The following TENM3 variants were observed in gnomAD, a reference collection of about 807,000 sequenced individuals.
TENM3 encodes teneurin transmembrane protein 3, also known as teneurin-3.
In TENM3, 63 loss-of-function variants were observed where a neutral mutation model predicts 255.1. The ratio of observed to expected loss-of-function variants is 0.25; its 90% CI spans 0.20 to 0.30. The LOEUF is 0.30. Among genes scored for constraint, TENM3 ranks in the 10% least tolerant of loss-of-function variants. The pLI, the probability that TENM3 is intolerant of heterozygous loss-of-function variation, is 1.00. For synonymous variants in TENM3, 1,306 were observed against 1,322.3 expected (o/e 0.99, Z 0.27); for missense variants, 2,929 against 3,461.1 (o/e 0.85, Z 3.86).
chr4:182,335,347 T>C, intron 2 of TENM3, among the ~76,000 whole-genome samples: 1 of 131,836 alleles, frequency 7.6e-6, no homozygotes, highest in Admixed American at 7.6e-5. Context: ...TACAAAAAAT[T>C]AGCCGGGCGC....
chr4:182,013,665 G>A, the TENM3 span, among the ~76,000 whole-genome samples: 46 of 152,268 alleles, frequency 3.0e-4, no homozygotes, highest in South Asian at 9.1e-3. Flanking sequence ...CTCAGAGAGG[G>A]TCTGTGGGAT....
chr4:182,518,902 T>C (rs1364266019), intron 3 of TENM3, among the ~76,000 whole-genome samples: 1 of 152,224 alleles, frequency 6.6e-6, no homozygotes. Flanking sequence ...GGAAAACAAC[T>C]AATAATAACT....
the TENM3 span, among the ~76,000 whole-genome samples, chr4:181,768,363 C>A: frequency 6.6e-6 from 1 of 152,122 alleles, no homozygotes; most frequent in South Asian, 2.1e-4. Context: ...AATTGTGCAG[C>A]CCAAAACGTC....
rs867960227 is a variant in TENM3 at position 182,161,769 on chromosome 4, G to A, written c.-76+17015G>A. On this transcript the variant is annotated intron_variant, in intron 1 of 2. Coordinates refer to the TENM3 transcript ENST00000512480. ...TGTGTATATATATACATATATATGT[G>A]TATATATATATACACAAATATATGT... 3.9e-3 allele frequency among the ~76,000 whole-genome samples: 97 copies of A among 24,598 alleles called. 13 individuals are homozygous for A. Among genetic ancestry groups the A allele is most frequent in the Non-Finnish European group, 6.1e-3 (76 of 12,470 alleles). 16.1% of individuals were successfully genotyped at this position (24,598 alleles called of 152,430 possible).
chr4:182,107,801 G>A, the TENM3 span, among the ~76,000 whole-genome samples: 2 of 152,154 alleles, frequency 1.3e-5, no homozygotes, highest in African/African-American at 4.8e-5. Flanking sequence ...TTAACTTCAA[G>A]AGGGGTTCAG....
At chr4:181,503,532 T>C in the TENM3 span, among the ~76,000 whole-genome samples, 3 of 152,178 alleles carry the variant, frequency 2.0e-5, no homozygotes, top group African/African-American at 4.8e-5. Context: ...TCAGATATTA[T>C]CTTGAAAGCA....
intron 3 of TENM3, among the ~76,000 whole-genome samples, chr4:182,389,361 G>A (rs1768240154): frequency 7.4e-6 from 1 of 134,956 alleles, no homozygotes; most frequent in East Asian, 2.2e-4. Flanking sequence ...AGCAAAATAA[G>A]CCAATTTGGG....
At chr4:182,468,805 T>TA (rs886986406) in intron 3 of TENM3, among the ~76,000 whole-genome samples, 10 of 147,374 alleles carry the variant, frequency 6.8e-5, no homozygotes, top group East Asian at 6.0e-4. Context: ...AAATTGAAAA[T>TA]AAAAAAAATC....
At chr4:182,293,643 C>A (rs1662586709) in intron 1 of TENM3, among the ~76,000 whole-genome samples, 1 of 152,176 alleles carries the variant, frequency 6.6e-6, no homozygotes, top group African/African-American at 2.4e-5. Context: ...CCCTCTGACC[C>A]TGGACAAAAC....
upstream of TENM3, among the ~76,000 whole-genome samples, chr4:182,240,238 A>G (rs1447096364): frequency 6.6e-6 from 1 of 152,094 alleles, no homozygotes; most frequent in East Asian, 1.9e-4. Context: ...TGAGTTTGGG[A>G]ACCATAAATA....
intron 3 of TENM3, among the ~76,000 whole-genome samples, chr4:182,522,747 G>C (rs952135140): frequency 6.6e-6 from 1 of 152,132 alleles, no homozygotes; most frequent in African/African-American, 2.4e-5. Context: ...CTTGGCTCTC[G>C]TGAATAATTC....
chr4:182,133,735 T>C, the TENM3 span, among the ~76,000 whole-genome samples: 6 of 152,208 alleles, frequency 3.9e-5, no homozygotes, highest in Non-Finnish European at 8.8e-5. Flanking sequence ...CTCTTCGTTT[T>C]GTGAATTTTG....
At chr4:181,907,453 A>G in the TENM3 span, among the ~76,000 whole-genome samples, 1 of 152,236 alleles carries the variant, frequency 6.6e-6, no homozygotes, top group Admixed American at 6.5e-5. Context: ...AGGTAAACAC[A>G]GACAAGCACT....
chr4:181,603,125 G>A, the TENM3 span, among the ~76,000 whole-genome samples: 2 of 152,170 alleles, frequency 1.3e-5, no homozygotes, highest in Non-Finnish European at 2.9e-5. Flanking sequence ...CCTAGGAAAT[G>A]AAGAGGCTCT....
chr4:182,006,310 C>T, the TENM3 span, among the ~76,000 whole-genome samples: 258 of 152,190 alleles, frequency 1.7e-3, no homozygotes, highest in South Asian at 2.9e-3. Flanking sequence ...GGTACCAGCT[C>T]CTTTTTGTAT....
chr4:182,240,194 G>A (rs1235955132), upstream of TENM3, among the ~76,000 whole-genome samples: 1 of 152,116 alleles, frequency 6.6e-6, no homozygotes, highest in Non-Finnish European at 1.5e-5. Flanking sequence ...ATTTCAGAGC[G>A]AGAGTCAGAG....
the TENM3 span, among the ~76,000 whole-genome samples, chr4:181,853,376 A>T: frequency 6.6e-6 from 1 of 152,250 alleles, no homozygotes; most frequent in Non-Finnish European, 1.5e-5. Flanking sequence ...TATTCATGAA[A>T]TTCTCAAAAC....
At chr4:181,481,292 G>T in the TENM3 span, among the ~76,000 whole-genome samples, 3 of 151,900 alleles carry the variant, frequency 2.0e-5, no homozygotes, top group African/African-American at 7.3e-5. Flanking sequence ...CTCCTCAAAG[G>T]TAACATGATG....
At chr4:181,451,114 G>C in the TENM3 span, among the ~76,000 whole-genome samples, 1 of 152,162 alleles carries the variant, frequency 6.6e-6, no homozygotes, top group Non-Finnish European at 1.5e-5. Flanking sequence ...CATCATTATA[G>C]AGGGTAGGGG....
Sources: allele counts gnomAD v4.1 joint callset (sites outside exome capture counted in the v4.1 genomes callset), GRCh38; gene constraint gnomAD v4.1.1; transcripts MANE v1.5; gene names NCBI Gene and HGNC (gene_info 2026-07-23, HGNC 2026-07-21).